MDH1: variants seen among roughly 807,000 people sequenced by gnomAD.
MDH1 encodes malate dehydrogenase 1.
In MDH1, 15 loss-of-function variants were observed where a neutral mutation model predicts 38.7. The observed-to-expected ratio is 0.39, with a 90% confidence interval of 0.26 to 0.60. MDH1 has a LOEUF of 0.60. Ranked by LOEUF, MDH1 falls within the 20% of genes least tolerant of loss-of-function variation. The pLI, the probability that MDH1 is intolerant of heterozygous loss-of-function variation, is 0.56. For missense variants in MDH1, 368 were observed against 405.2 expected, an observed-to-expected ratio of 0.91 and a Z score of 0.79; for synonymous variants, 144 against 143.6, an observed-to-expected ratio of 1.00 and a Z score of -0.02.
At chr2:63,595,695 A>G (rs1292834170) in intron 3 of MDH1, among the ~76,000 whole-genome samples, 176 bp downstream of exon 3, 1 of 152,220 alleles carries the variant, frequency 6.6e-6, no homozygotes, top group East Asian at 1.9e-4. Flanking sequence ...AGGGTAAGAA[A>G]TGAGCAACAA....
At position 63,595,460 on chromosome 2, in the gene MDH1, T is replaced by C. The variant is rs752529052; in HGVS notation, c.140T>C (p.Met47Thr). The C allele has an allele frequency of 1.2e-6, 2 of 1,613,502 alleles. No individual in the cohort carries two copies. The highest frequency in any genetic ancestry group is 1.7e-5 in the Admixed American group (1 of 60,020). ...ILVLLDITPM[M>T]GVLDGVLMEL... ...GTGCTGTTGGATATCACCCCCATGA[T>C]GGGTGTCCTGGACGGTGTCCTAATG... Residue 47 changes from methionine (M) to threonine (T), a missense_variant, in exon 3 of 9, where the codon ATG becomes ACG. Transcript: ENST00000233114.
intron 3 of MDH1, among the ~76,000 whole-genome samples, chr2:63,597,011 G>C (rs1406908336): frequency 6.6e-6 from 1 of 152,182 alleles, no homozygotes; most frequent in African/African-American, 2.4e-5. Context: ...TGTGATTGGT[G>C]TCTTAGACCT....
intron 2 of MDH1, 162 bp downstream of exon 2, chr2:63,594,748 A>T (rs755882307): frequency 8.7e-6 from 5 of 571,568 alleles, no homozygotes; most frequent in African/African-American, 1.9e-5. Context: ...AGGTATTTAT[A>T]TGTACGCCTC....
chr2:63,605,271 C>A lies in MDH1; in HGVS notation c.676-9C>A. On this transcript the variant is annotated splice_polypyrimidine_tract_variant and intron_variant, in intron 6 of 8. Coordinates refer to ENST00000233114, the MANE Select transcript of MDH1 (RefSeq NM_005917.4). The stretch of plus-strand genomic sequence containing the variant: ...GTAATACTGCTGCCTTCACCTGCCC[C>A]CTTCCCAGACTGTGCAGCAGCGTGG... The A allele has an allele frequency of 1.3e-6, 2 of 1,587,392 alleles. No individual in the cohort carries two copies. Among genetic ancestry groups the A allele is most frequent in the South Asian group, 2.2e-5 (2 of 90,418 alleles).
At chr2:63,605,533 G>A (rs569256004) in intron 7 of MDH1, 140 bp downstream of exon 7, 43 of 661,062 alleles carry the variant, frequency 6.5e-5, no homozygotes, top group South Asian at 5.3e-4. Flanking sequence ...AGTAAACTTC[G>A]GGGTTTGTTA....
intron 1 of MDH1, chr2:63,589,410 G>A (rs1222472953): frequency 6.5e-7 from 1 of 1,545,732 alleles, no homozygotes; most frequent in South Asian, 1.2e-5. Flanking sequence ...GAAAGGTTGG[G>A]TCCTAACCCC....
At chr2:63,606,065 A>C (rs1709523041) in intron 8 of MDH1, 37 bp downstream of exon 8, 1 of 1,542,960 alleles carries the variant, frequency 6.5e-7, no homozygotes, top group East Asian at 2.2e-5. Context: ...TCTTTGAGGA[A>C]GTAGTTATAT....
chr2:63,595,344 T>A, intron 2 of MDH1, 79 bp from the exon 3 acceptor site: 1 of 897,658 alleles, frequency 1.1e-6, no homozygotes, highest in Non-Finnish European at 1.9e-6. Context: ...ACATACCAAA[T>A]AAAAACTATG....
chr2:63,593,553 G>A, intron 1 of MDH1: 1 of 471,262 alleles, frequency 2.1e-6, no homozygotes, highest in Non-Finnish European at 4.4e-6. Context: ...CTCTCATCTG[G>A]AAGAAGGAAC....
At chr2:63,593,274 A>G (rs1709237141) in intron 1 of MDH1, 2 of 199,892 alleles carry the variant, frequency 1.0e-5, no homozygotes, top group Non-Finnish European at 2.1e-5. Flanking sequence ...CTGTATTTTT[A>G]GTAGAGACGG....
chr2:63,594,432 GAT>G, intron 1 of MDH1, 54 bp from the exon 2 acceptor site: 2 of 1,245,498 alleles, frequency 1.6e-6, no homozygotes, highest in Non-Finnish European at 2.4e-6. Flanking sequence ...TAAAATCCTG[GAT>G]ATTTTTAAGG....
chr2:63,606,946 G>A lies in MDH1; in HGVS notation c.964G>A (p.Glu322Lys). ...GGATCTTACTGCAAAGGAACTGACAGAAGAAAAAGAAAGTGCTTTTGAATT... is the reference window on the plus strand; with the variant it reads ...GGATCTTACTGCAAAGGAACTGACAAAAGAAAAAGAAAGTGCTTTTGAATT... ...KMDLTAKELT[E>K]EKESAFEFLS... is the part of the protein sequence containing the mutation. The change falls in exon 9 of 9, where the codon GAA becomes AAA. Residue 322 changes from glutamate to lysine, a missense_variant. Coordinates refer to ENST00000233114, the MANE Select transcript of MDH1 (RefSeq NM_005917.4). 1 of 1,612,578 alleles carries A rather than the reference G, an allele frequency of 6.2e-7. No homozygotes were observed. Among genetic ancestry groups the A allele is most frequent in the Non-Finnish European group, 8.5e-7 (1 of 1,179,316 alleles).
intron 5 of MDH1, chr2:63,599,856 G>C (rs950159520): frequency 1.3e-5 from 2 of 152,158 alleles, no homozygotes; most frequent in African/African-American, 4.8e-5. Context: ...TAGAGCCATA[G>C]ATAAGTATGC....
In MDH1 at chr2:63,607,151, G is replaced by A. The variant is rs1369882942; in HGVS notation, c.*164G>A. The A allele has an allele frequency of 1.7e-5, 9 of 537,260 alleles. No homozygotes were observed. The highest frequency in any genetic ancestry group is 7.1e-5 in the East Asian group (2 of 28,180). 33.3% of individuals were successfully genotyped at this position (537,260 alleles called of 1,614,324 possible). ...ACAGGTTTGTGAATGACAGTTTATC[G>A]TCATGCTGTTAGTGTGCATTCTAAA... On this transcript the variant is annotated 3_prime_UTR_variant, in exon 9 of 9. Transcript: ENST00000233114.
In MDH1 at chr2:63,594,472, G is replaced by C; in HGVS notation, c.4-16G>C. 1 of 1,578,932 alleles carries C rather than the reference G, an allele frequency of 6.3e-7. No individual in the cohort carries two copies. The highest frequency in any genetic ancestry group is 1.3e-5 in the African/African-American group (1 of 74,102). The stretch of plus-strand genomic sequence containing the variant: ...CAGTAGTACTTAAAGATGTTAATGG[G>C]TCTTTTTCATTACAGTCTGAACCAA... On this transcript the variant is annotated splice_polypyrimidine_tract_variant and intron_variant, in intron 1 of 8. Transcript: ENST00000233114.
rs1200146406 is a variant in MDH1, at chr2:63,605,359, A to G, written c.755A>G (p.Asp252Gly). Residue 252 changes from aspartate (D) to glycine (G), a missense_variant, in exon 7 of 9, where the codon GAC (aspartate) becomes GGC (glycine). Transcript: ENST00000233114. ...ATGTCTGCTGCAAAAGCCATCTGTG[A>G]CCACGTCAGGGACATCTGGTTTGGA... ...SAMSAAKAICDHVRDIWFGTP... is the reference protein window; with the variant it reads ...SAMSAAKAICGHVRDIWFGTP... The G allele has an allele frequency of 6.2e-7, 1 of 1,614,178 alleles. No homozygotes were observed. Among genetic ancestry groups the G allele is most frequent in the South Asian group, 1.1e-5 (1 of 91,082 alleles).
intron 1 of MDH1, chr2:63,593,195 G>C (rs1483864431): frequency 1.8e-5 from 3 of 165,528 alleles, no homozygotes; most frequent in Admixed American, 1.8e-4. Flanking sequence ...TGCCTCCCGG[G>C]TTCAAGTGAT....
Position 63,597,460 on chromosome 2 carries a change from G to A in MDH1, c.261G>A (p.Val87=), listed in dbSNP as rs376834475. ...AFKDLDVAIL[V]GSMPRREGME... The stretch of plus-strand genomic sequence containing the variant: ...AAGACCTGGATGTGGCCATTCTTGT[G>A]GGCTCCATGCCAAGAAGGGAAGGCA... Residue 87 remains valine, a synonymous_variant, in exon 4 of 9, where the codon GTG becomes GTA. Transcript: ENST00000233114. 2.4e-5 allele frequency: 36 copies of A among 1,506,764 alleles called. No homozygotes were observed. The African/African-American group carries it at 4.8e-4, about 20-fold the overall frequency. The allele number at this position is 1,506,764 out of a possible 1,614,324, so 93.3% of individuals were successfully genotyped here. A position where few individuals can be genotyped will look rare whatever the true frequency, so the allele number is the denominator to read the frequency against.
chr2:63,600,416 T>C (rs1709396687), intron 5 of MDH1, among the ~76,000 whole-genome samples: 1 of 152,190 alleles, frequency 6.6e-6, no homozygotes, highest in African/African-American at 2.4e-5. Flanking sequence ...TTTGCCTGAC[T>C]CCAAACCCTT....
Sources: allele counts gnomAD v4.1 joint callset (sites outside exome capture counted in the v4.1 genomes callset), GRCh38; gene constraint gnomAD v4.1.1; transcripts MANE v1.5; gene names NCBI Gene and HGNC (gene_info 2026-07-23, HGNC 2026-07-21).